CSMD2: variants seen among roughly 807,000 people sequenced by gnomAD.
The protein encoded by CSMD2 is CUB and sushi domain-containing protein 2.
Under a neutral mutation model 398.5 loss-of-function variants are expected in CSMD2, and 130 were observed. The observed-to-expected ratio is 0.33, with a 90% CI of 0.28 to 0.38. CSMD2 has a LOEUF of 0.38. CSMD2 is among the 10% of genes least tolerant of loss of function. The pLI is 1.00. For missense variants in CSMD2, 3,829 were observed against 4,764.9 expected, an observed-to-expected ratio of 0.80 and a Z score of 5.78; for synonymous variants, 1,828 against 1,908.5, an observed-to-expected ratio of 0.96 and a Z score of 1.10.
intron 10 of CSMD2, among the ~76,000 whole-genome samples, chr1:33,795,885 T>C (rs544752575): frequency 2.6e-5 from 4 of 152,336 alleles, no homozygotes; most frequent in South Asian, 2.1e-4. Flanking sequence ...CTAGCATGGA[T>C]GGATTGCTAG....
intron 3 of CSMD2, among the ~76,000 whole-genome samples, chr1:34,024,406 T>A (rs1043264569): frequency 1.3e-5 from 2 of 152,278 alleles, no homozygotes; most frequent in African/African-American, 4.8e-5. Context: ...GAGTTTGGCA[T>A]AATATCATCT....
At chr1:33,733,106 G>C (rs1220322850) in intron 15 of CSMD2, among the ~76,000 whole-genome samples, 1 of 152,206 alleles carries the variant, frequency 6.6e-6, no homozygotes, top group African/African-American at 2.4e-5. Context: ...CACTGCTTCT[G>C]TAACGGGATG....
chr1:33,915,261 CA>C (rs1170609169), intron 5 of CSMD2, among the ~76,000 whole-genome samples: 2 of 152,280 alleles, frequency 1.3e-5, no homozygotes, highest in East Asian at 3.9e-4. Flanking sequence ...CTTACAAAAG[CA>C]GTATACTCAT....
At position 33,626,562 on chromosome 1, in the gene CSMD2, G is replaced by C. The variant is rs751405235; in HGVS notation, c.5220C>G (p.Ala1740=). 1 of 1,604,100 alleles carries C rather than the reference G, an allele frequency of 6.2e-7. No individual in the cohort carries two copies. The highest frequency in any genetic ancestry group is 1.1e-5 in the South Asian group (1 of 88,418). ...ACTTAATGAGAACTTGATTGGAGGT[G>C]GCCAAGGGCAGTGATTCTCCTGCCG... ...GSHTGESLPL[A]TSNQVLIKFS... is the part of the protein sequence containing the mutation. Residue 1740 remains alanine (A), a synonymous_variant, in exon 33 of 71, where the codon GCC becomes GCG. Transcript: ENST00000373381.
intron 57 of CSMD2, 71 bp downstream of exon 57, chr1:33,545,966 A>G: frequency 6.8e-7 from 1 of 1,461,970 alleles, no homozygotes; most frequent in South Asian, 1.3e-5. Context: ...GGTGCCTGGG[A>G]ATAAGAGCAG....
intron 40 of CSMD2, among the ~76,000 whole-genome samples, chr1:33,613,192 G>T (rs771549540): frequency 5.3e-5 from 8 of 152,192 alleles, no homozygotes; most frequent in Non-Finnish European, 1.0e-4. Flanking sequence ...ACTGGACCCA[G>T]CAGTAGCTTC....
intron 49 of CSMD2, 71 bp downstream of exon 49, chr1:33,577,225 G>T: frequency 7.0e-7 from 1 of 1,429,336 alleles, no homozygotes; most frequent in Non-Finnish European, 9.5e-7. Flanking sequence ...GAAGTGACTA[G>T]TCCTGGGACA....
intron 12 of CSMD2, among the ~76,000 whole-genome samples, chr1:33,780,874 C>T (rs1440483246): frequency 5.3e-5 from 8 of 152,190 alleles, no homozygotes; most frequent in Admixed American, 5.2e-4. Context: ...ATGTTTGGGC[C>T]TTCCAGTTTA....
chr1:33,935,812 G>A lies in CSMD2; in HGVS notation c.660C>T (p.His220=), dbSNP rs140478946. The part of the protein sequence containing the change: ...FLEGHAVLTC[H]AGSENSATWD... ...ACGTGGCGCTGTTCTCAGAGCCAGCGTGGCAGGTGAGCACGGCGTGGCCCT... is the reference window on the plus strand; with the variant it reads ...ACGTGGCGCTGTTCTCAGAGCCAGCATGGCAGGTGAGCACGGCGTGGCCCT... The change falls in exon 4 of 71, where the codon CAC becomes CAT. Residue 220 remains histidine (H), a synonymous_variant. Transcript: ENST00000373381. 18 of 1,613,984 alleles carry A rather than the reference G, an allele frequency of 1.1e-5. No individual in the cohort carries two copies. Among genetic ancestry groups the A allele is most frequent in the Middle Eastern group, 3.3e-4 (2 of 6,056 alleles).
chr1:33,970,803 G>A (rs1371045416), intron 3 of CSMD2, among the ~76,000 whole-genome samples: 3 of 152,314 alleles, frequency 2.0e-5, no homozygotes, highest in African/African-American at 7.2e-5. Flanking sequence ...CACTTAACTG[G>A]TAAGTGGCAA....
At chr1:33,900,371 GGT>G (rs1642666712) in intron 5 of CSMD2, among the ~76,000 whole-genome samples, 17 of 152,100 alleles carry the variant, frequency 1.1e-4, no homozygotes, top group Admixed American at 1.1e-3. Context: ...GAGAAAGAGG[GGT>G]AGATCAGGAT....
At chr1:33,848,368 G>A (rs1435588799) in intron 5 of CSMD2, among the ~76,000 whole-genome samples, 2 of 152,192 alleles carry the variant, frequency 1.3e-5, no homozygotes, top group African/African-American at 2.4e-5. Flanking sequence ...TCAAGAGGAG[G>A]CAAAGAATGA....
chr1:34,104,810 A>G (rs1223876881), intron 1 of CSMD2, among the ~76,000 whole-genome samples: 1 of 152,158 alleles, frequency 6.6e-6, no homozygotes, highest in African/African-American at 2.4e-5. Flanking sequence ...ATCCTTTAGG[A>G]AAGGACCAAG....
At chr1:33,671,564 G>A (rs907228501) in intron 25 of CSMD2, among the ~76,000 whole-genome samples, 5 of 152,074 alleles carry the variant, frequency 3.3e-5, no homozygotes, top group African/African-American at 9.7e-5. Flanking sequence ...TGTTTTCAGA[G>A]TTCCACCTCC....
intron 2 of CSMD2, among the ~76,000 whole-genome samples, chr1:34,043,177 GCCTC>G (rs1558292437): frequency 6.6e-6 from 1 of 152,142 alleles, no homozygotes; most frequent in Non-Finnish European, 1.5e-5. Context: ...ACCTGCCCCA[GCCTC>G]CCTAAGTGCT....
chr1:33,921,001 C>A (rs746099544), intron 4 of CSMD2, among the ~76,000 whole-genome samples: 3 of 152,128 alleles, frequency 2.0e-5, no homozygotes, highest in Non-Finnish European at 4.4e-5. Flanking sequence ...GGGAGTGTGG[C>A]ATGTTTAGGG....
At chr1:33,778,897 C>T (rs892984265) in intron 12 of CSMD2, among the ~76,000 whole-genome samples, 2 of 152,100 alleles carry the variant, frequency 1.3e-5, no homozygotes, top group African/African-American at 4.8e-5. Context: ...GTCCTTCTCC[C>T]TCAGCTCTCC....
chr1:33,855,467 G>A (rs1160285382), intron 5 of CSMD2, among the ~76,000 whole-genome samples: 2 of 152,118 alleles, frequency 1.3e-5, no homozygotes, highest in African/African-American at 4.8e-5. Flanking sequence ...GGGGAGATTT[G>A]GGAAATGGTG....
chr1:33,543,622 G>T (rs1656574070), intron 57 of CSMD2, among the ~76,000 whole-genome samples: 1 of 152,218 alleles, frequency 6.6e-6, no homozygotes, highest in African/African-American at 2.4e-5. Flanking sequence ...TTTCCATTAT[G>T]AAGTTTTTCA....
Sources: allele counts gnomAD v4.1 joint callset (sites outside exome capture counted in the v4.1 genomes callset), GRCh38; gene constraint gnomAD v4.1.1; transcripts MANE v1.5; gene names NCBI Gene and HGNC (gene_info 2026-07-23, HGNC 2026-07-21).